Variants in BSND observed in about 807,000 individuals in gnomAD.
BSND encodes the protein barttin.
A neutral mutation model predicts 18.8 loss-of-function variants in BSND; 13 were observed. The observed-to-expected ratio is 0.69, with a 90% confidence interval of 0.45 to 1.10. The LOEUF (loss-of-function observed/expected upper bound fraction) is 1.10, where lower values mean the gene tolerates loss of function less well. Among genes scored for constraint, BSND ranks in the 50% least tolerant of loss-of-function variants. BSND has a pLI of 0.00. For missense variants in BSND, 379 were observed against 416.7 expected (o/e 0.91, Z 0.79); for synonymous variants, 170 against 161.8 (o/e 1.05, Z -0.39).
At chr1:55,005,547 C>T (rs915293400) in intron 2 of BSND, among the ~76,000 whole-genome samples, 2 of 152,240 alleles carry the variant, frequency 1.3e-5, no homozygotes, top group Non-Finnish European at 2.9e-5. Context: ...ACTGACCTCT[C>T]TTTGCCTCGT....
rs992673810 is a variant in BSND, at chr1:55,007,367, G to A, written c.548+95G>A. ...CCGCCGAGGGGTGGGTGGGGACACT[G>A]GGGGTAAGGAGAGGGCAGTGGAGGG... On this transcript the variant is annotated intron_variant, in intron 3 of 3. Coordinates refer to ENST00000651561, the MANE Select transcript of BSND (RefSeq NM_057176.3). The A allele has an allele frequency of 1.9e-5, 26 of 1,345,510 alleles. 1 individual carries two copies. The highest frequency in any genetic ancestry group is 5.1e-4 in the Middle Eastern group (2 of 3,894). 83.3% of individuals were successfully genotyped at this position (1,345,510 alleles called of 1,614,324 possible).
intron 1 of BSND, among the ~76,000 whole-genome samples, chr1:55,004,591 C>G (rs1428051483): frequency 1.3e-5 from 2 of 152,192 alleles, no homozygotes; most frequent in African/African-American, 2.4e-5. Context: ...CCACTGCAGC[C>G]CATGTGGCAA....
chr1:55,001,742 C>T (rs1347911794), intron 1 of BSND, among the ~76,000 whole-genome samples: 1 of 152,000 alleles, frequency 6.6e-6, no homozygotes, highest in African/African-American at 2.4e-5. Flanking sequence ...GGGGAGGAAA[C>T]AGGCTTCACA....
chr1:55,006,909 C>A, intron 2 of BSND, 88 bp from the exon 3 acceptor site: 2 of 1,593,004 alleles, frequency 1.3e-6, no homozygotes, highest in South Asian at 2.2e-5. Context: ...GAGGGGAGAC[C>A]ACATACCCAA....
At position 55,006,683 on chromosome 1, in the gene BSND, C is replaced by T. The variant is rs150100897; in HGVS notation, c.273-314C>T. On this transcript the variant is annotated intron_variant, in intron 2 of 3. Transcript: ENST00000651561. ...TAAGCATTCAGCCTTTACCCACCAT[C>T]TGGGACCCGGCAAACTCAATGTTAA... Among the ~76,000 whole-genome samples, 716 of 152,312 alleles carry T rather than the reference C, an allele frequency of 4.7e-3. 3 individuals carry two copies. The highest frequency in any genetic ancestry group is 4.9e-3 in the Non-Finnish European group (334 of 68,034).
At chr1:55,002,183 C>T (rs1005136706) in intron 1 of BSND, among the ~76,000 whole-genome samples, 6 of 152,202 alleles carry the variant, frequency 3.9e-5, no homozygotes, top group African/African-American at 1.4e-4. Context: ...ATAGAGTACC[C>T]GTTGTGGCTA....
chr1:55,008,146 G>T, intron 3 of BSND, 68 bp from the exon 4 acceptor site: 1 of 1,385,040 alleles, frequency 7.2e-7, no homozygotes, highest in South Asian at 1.2e-5. Context: ...TGCAGCTAGC[G>T]GCTGGAATGT....
rs778215273 is a variant in BSND at position 55,008,677 on chromosome 1, T to C, written c.*49T>C. 4 of 1,613,576 alleles carry C rather than the reference T, an allele frequency of 2.5e-6. No homozygotes were observed. Among genetic ancestry groups the C allele is most frequent in the Non-Finnish European group, 3.4e-6 (4 of 1,179,980 alleles). ...AGTCTGGAACTGCTGCTGACCCCTG[T>C]GTGACATCACAGGGCCTCAGTTTCC... On this transcript the variant is annotated 3_prime_UTR_variant, in exon 4 of 4. Transcript: ENST00000651561.
At position 54,999,145 on chromosome 1, in the gene BSND, C is replaced by G. The variant is rs779777664; in HGVS notation, c.-42C>G. 1 of 1,611,446 alleles carries G rather than the reference C, an allele frequency of 6.2e-7. No homozygotes were observed. The highest frequency in any genetic ancestry group is 1.1e-5 in the South Asian group (1 of 91,066). ...TGTTTAGGCTGAACTACAGCCACCCCCTCTCCCGGGGGTGTGCAGGCCAGG... is the reference window on the plus strand; with the variant it reads ...TGTTTAGGCTGAACTACAGCCACCCGCTCTCCCGGGGGTGTGCAGGCCAGG... On this transcript the variant is annotated 5_prime_UTR_variant, in exon 1 of 4. Coordinates refer to ENST00000651561, the MANE Select transcript of BSND (RefSeq NM_057176.3).
rs1376628819 is a variant in BSND at position 55,016,704 on chromosome 1, G to C, written c.*8076G>C. On this transcript the variant is annotated 3_prime_UTR_variant, in exon 4 of 4. Transcript: ENST00000651561. ...CTGGCCTCAGCCTCCTGAGTAGCTG[G>C]GATTACAGGAGCACACCACAGTGCC... Among the ~76,000 whole-genome samples the C allele has an allele frequency of 6.6e-6, 1 of 152,158 alleles. No individual in the cohort carries two copies. Among genetic ancestry groups the C allele is most frequent in the East Asian group, 1.9e-4 (1 of 5,192 alleles).
chr1:55,006,896 G>A lies in BSND; in HGVS notation c.273-101G>A. ...AACATCCCCCAAAGGCTTCTTGTGA[G>A]GTGAGGGGAGACCACATACCCAAAG... On this transcript the variant is annotated intron_variant, in intron 2 of 3. Coordinates refer to ENST00000651561, the MANE Select transcript of BSND (RefSeq NM_057176.3). The A allele has an allele frequency of 3.2e-6, 5 of 1,552,260 alleles. No individual in the cohort carries two copies. The East Asian group carries it at 6.8e-5, about 21-fold the overall frequency.
chr1:55,005,567 G>T (rs1337122283), intron 2 of BSND, among the ~76,000 whole-genome samples: 1 of 152,160 alleles, frequency 6.6e-6, no homozygotes, highest in African/African-American at 2.4e-5. Flanking sequence ...TCTGTAAAAT[G>T]GGGATACTAA....
rs1198089909 is a variant in BSND at position 55,004,881 on chromosome 1, C to A, written c.178-141C>A. 1.1e-5 allele frequency: 8 copies of A among 737,298 alleles called. No homozygotes were observed. The Admixed American group carries it at 1.2e-4, about 11-fold the overall frequency. 45.7% of individuals were successfully genotyped at this position (737,298 alleles called of 1,614,324 possible). On this transcript the variant is annotated intron_variant, in intron 1 of 3. Transcript: ENST00000651561. Reference sequence around the variant, plus strand: ...CCGCTGGTGCTGTGCCCCAAGTAGGCCCCTCTCCTGTCAAGCAGGGAGGCC... The same window carrying A: ...CCGCTGGTGCTGTGCCCCAAGTAGGACCCTCTCCTGTCAAGCAGGGAGGCC...
intron 1 of BSND, among the ~76,000 whole-genome samples, chr1:55,003,675 C>T (rs1294283950): frequency 2.0e-5 from 3 of 152,024 alleles, no homozygotes; most frequent in African/African-American, 7.3e-5. Context: ...AATTTTCAGC[C>T]GAGGAGAGCA....
chr1:55,013,985 C>T lies in BSND; in HGVS notation c.*5357C>T, dbSNP rs151214643. ...GAATTAGCCCTGCTCTCCCCTTCCA[C>T]GGTGGAATCCATCTCCACTGCACCC... On this transcript the variant is annotated 3_prime_UTR_variant, in exon 4 of 4. Transcript: ENST00000651561. Among the ~76,000 whole-genome samples, 80 of 152,300 alleles carry T rather than the reference C, an allele frequency of 5.3e-4. 1 individual carries two copies. In the Middle Eastern group the frequency reaches 0.01, roughly 19 times the overall value.
chr1:55,003,682 A>G (rs535099462), intron 1 of BSND, among the ~76,000 whole-genome samples: 5 of 152,322 alleles, frequency 3.3e-5, no homozygotes, highest in Non-Finnish European at 7.4e-5. Flanking sequence ...AGCCGAGGAG[A>G]GCAAGACTCA....
At chr1:54,999,853 T>C (rs1029848748) in intron 1 of BSND, among the ~76,000 whole-genome samples, 1 of 152,192 alleles carries the variant, frequency 6.6e-6, no homozygotes, top group Non-Finnish European at 1.5e-5. Flanking sequence ...ACCCTTCACC[T>C]TGGGTCTTCT....
intron 1 of BSND, among the ~76,000 whole-genome samples, chr1:55,002,668 C>A (rs776758542): frequency 3.9e-5 from 6 of 152,194 alleles, no homozygotes; most frequent in African/African-American, 9.6e-5. Context: ...CCCTCCTCAT[C>A]AAAAAACTTG....
rs1283941926 is a variant in BSND, at chr1:55,010,087, T to C, written c.*1459T>C. On this transcript the variant is annotated 3_prime_UTR_variant, in exon 4 of 4. Transcript: ENST00000651561. ...GATGGCATTTAGTGAGCATCTACTA[T>C]ATGCCAGATATTGAGCTGTGATCTC... 1.3e-5 allele frequency: 2 copies of C among 152,228 alleles called. No individual in the cohort carries two copies. Among genetic ancestry groups the C allele is most frequent in the Non-Finnish European group, 2.9e-5 (2 of 68,062 alleles). The allele number at this position is 152,228 out of a possible 1,614,324, so 9.4% of individuals were successfully genotyped here.
Sources: allele counts gnomAD v4.1 joint callset (sites outside exome capture counted in the v4.1 genomes callset), GRCh38; gene constraint gnomAD v4.1.1; transcripts MANE v1.5; gene names NCBI Gene and HGNC (gene_info 2026-07-23, HGNC 2026-07-21).